GPC3: variants seen among roughly 807,000 people sequenced by gnomAD.
GPC3 encodes glypican-3.
Under a neutral mutation model 34.4 loss-of-function variants are expected in GPC3, and 3 were observed. The observed-to-expected ratio is 0.09, with a 90% CI of 0.04 to 0.23. GPC3 has a LOEUF of 0.23. Among genes scored for constraint, GPC3 ranks in the 10% least tolerant of loss-of-function variants. The probability of loss-of-function intolerance (pLI) is 1.00; values close to 1 mark genes in which losing one functional copy is unlikely to be tolerated. For missense variants in GPC3, 351 were observed against 445.6 expected (o/e 0.79, Z 1.91); for synonymous variants, 177 against 174.0 (o/e 1.02, Z -0.13).
intron 2 of GPC3, among the ~76,000 whole-genome samples, chrX:133,914,541 A>T (rs2124609663): frequency 9.0e-6 from 1 of 111,031 alleles, no homozygotes; most frequent in Admixed American, 9.6e-5. Flanking sequence ...ATTATATTTT[A>T]TCTCACACAG....
intron 6 of GPC3, among the ~76,000 whole-genome samples, chrX:133,653,955 T>C (rs1208045834): frequency 1.8e-5 from 2 of 111,845 alleles, no homozygotes; most frequent in Non-Finnish European, 3.8e-5. Flanking sequence ...GTAGTATGAC[T>C]TTGGACAAGT....
intron 2 of GPC3, among the ~76,000 whole-genome samples, chrX:133,849,084 C>CTTTTTTT (rs60339728): frequency 4.3e-5 from 2 of 46,273 alleles, no homozygotes; most frequent in Non-Finnish European, 7.8e-5. Context: ...ACTAAAGTTT[C>CTTTTTTT]TTTTTTTTTT....
At chrX:133,660,929 G>A (rs1331079966) in intron 6 of GPC3, among the ~76,000 whole-genome samples, 1 of 111,610 alleles carries the variant, frequency 9.0e-6, no homozygotes, top group Non-Finnish European at 1.9e-5. Flanking sequence ...AGCACTTTGC[G>A]GGGCTGATGC....
chrX:133,788,118 A>ATATG (rs2072124202), intron 2 of GPC3, among the ~76,000 whole-genome samples: 3 of 79,051 alleles, frequency 3.8e-5, no homozygotes, highest in African/African-American at 1.6e-4. Flanking sequence ...ATATATATAT[A>ATATG]TATATGTATG....
intron 7 of GPC3, among the ~76,000 whole-genome samples, chrX:133,562,685 C>T (rs368868451): frequency 1.8e-5 from 2 of 111,397 alleles, no homozygotes; most frequent in African/African-American, 6.5e-5. Context: ...TCTCCATCTG[C>T]GATGTAGTTA....
chrX:133,713,170 T>C (rs1292481420), intron 3 of GPC3, among the ~76,000 whole-genome samples: 1 of 112,078 alleles, frequency 8.9e-6, no homozygotes, highest in Non-Finnish European at 1.9e-5. Flanking sequence ...GAAGATCTAT[T>C]ATGTGAAAGC....
intron 7 of GPC3, among the ~76,000 whole-genome samples, chrX:133,593,477 G>C: frequency 9.2e-6 from 1 of 109,020 alleles, no homozygotes; most frequent in Non-Finnish European, 1.9e-5. Flanking sequence ...GGGTGCTTAC[G>C]GGGGCTAGTG....
intron 2 of GPC3, among the ~76,000 whole-genome samples, chrX:133,771,896 C>T (rs916565155): frequency 8.9e-6 from 1 of 111,775 alleles, no homozygotes; most frequent in Non-Finnish European, 1.9e-5. Context: ...ATGTTCAAAT[C>T]GCCCCTGTAA....
At chrX:133,790,526 T>C (rs1430279089) in intron 2 of GPC3, among the ~76,000 whole-genome samples, 3 of 112,013 alleles carry the variant, frequency 2.7e-5, no homozygotes, top group Non-Finnish European at 5.6e-5. Flanking sequence ...TACATATCTT[T>C]CAAAAGAATA....
chrX:133,980,530 T>C (rs775624933), intron 1 of GPC3, among the ~76,000 whole-genome samples: 4 of 111,648 alleles, frequency 3.6e-5, no homozygotes, highest in Non-Finnish European at 7.5e-5. Flanking sequence ...CAAATAACCA[T>C]ATGCAGAAAA....
intron 3 of GPC3, among the ~76,000 whole-genome samples, chrX:133,722,589 A>G (rs1435043142): frequency 3.6e-5 from 4 of 112,282 alleles, no homozygotes; most frequent in Non-Finnish European, 7.5e-5. Context: ...TTAACCGGGC[A>G]TCATTCCTAA....
intron 2 of GPC3, among the ~76,000 whole-genome samples, chrX:133,853,818 T>A (rs2075887025): frequency 8.9e-6 from 1 of 112,085 alleles, no homozygotes; most frequent in Non-Finnish European, 1.9e-5. Context: ...CCAAACTGCT[T>A]TGATGCACTG....
At chrX:133,732,216 T>A (rs142780291) in intron 3 of GPC3, among the ~76,000 whole-genome samples, 1,251 of 111,152 alleles carry the variant, frequency 0.011, 17 homozygotes, top group African/African-American at 0.039. Flanking sequence ...AGGGACCCAA[T>A]CACAAAATCT....
intron 2 of GPC3, among the ~76,000 whole-genome samples, chrX:133,946,325 G>T (rs1168307053): frequency 8.9e-6 from 1 of 111,788 alleles, no homozygotes; most frequent in African/African-American, 3.3e-5. Context: ...CATCTATTGG[G>T]TGCTACTTTA....
intron 2 of GPC3, among the ~76,000 whole-genome samples, chrX:133,922,486 T>C (rs944902686): frequency 5.4e-5 from 6 of 111,793 alleles, no homozygotes; most frequent in Non-Finnish European, 1.1e-4. Flanking sequence ...CTAGCCACTA[T>C]AAGGGTGACC....
At chrX:133,831,984 T>C (rs2075777553) in intron 2 of GPC3, among the ~76,000 whole-genome samples, 1 of 111,857 alleles carries the variant, frequency 8.9e-6, no homozygotes, top group Admixed American at 9.5e-5. Flanking sequence ...AAGCGATTTA[T>C]CTAAAATGAC....
chrX:133,858,509 A>T (rs1212725952), intron 2 of GPC3, among the ~76,000 whole-genome samples: 1 of 111,664 alleles, frequency 9.0e-6, no homozygotes, highest in Non-Finnish European at 1.9e-5. Flanking sequence ...CTCCTGCCCC[A>T]GCATTAGTCT....
intron 3 of GPC3, among the ~76,000 whole-genome samples, chrX:133,731,888 A>G (rs1458092804): frequency 8.9e-6 from 1 of 112,150 alleles, no homozygotes; most frequent in African/African-American, 3.2e-5. Flanking sequence ...GAGCTCCCCC[A>G]ATAGATGTCT....
At chrX:133,895,471 C>T (rs969975249) in intron 2 of GPC3, among the ~76,000 whole-genome samples, 10 of 111,405 alleles carry the variant, frequency 9.0e-5, no homozygotes, top group Admixed American at 2.9e-4. Context: ...TCATAGAATG[C>T]GATTCTGAGT....
Sources: gnomAD v4.1 joint callset for allele counts (sites outside exome capture counted in the v4.1 genomes callset) on GRCh38, gnomAD v4.1.1 for gene constraint, MANE v1.5 for transcripts, NCBI Gene and HGNC (gene_info 2026-07-23, HGNC 2026-07-21) for gene names.